ASTN2: variants seen among roughly 807,000 people sequenced by gnomAD.
The protein encoded by ASTN2 is astrotactin-2.
Under a neutral mutation model 139.8 loss-of-function variants are expected in ASTN2, and 54 were observed. The ratio of observed to expected loss-of-function variants is 0.39; its 90% confidence interval spans 0.31 to 0.48. ASTN2 has a LOEUF of 0.48. Ranked by LOEUF, ASTN2 falls within the 20% of genes least tolerant of loss-of-function variation. The pLI is 0.95. For missense variants in ASTN2, 1,565 were observed against 1,725.1 expected (o/e 0.91, Z 1.64); for synonymous variants, 756 against 719.5 (o/e 1.05, Z -0.81).
At chr9:117,040,922 C>A (rs1243260452) in intron 5 of ASTN2, among the ~76,000 whole-genome samples, 1 of 152,124 alleles carries the variant, frequency 6.6e-6, no homozygotes, top group African/African-American at 2.4e-5. Flanking sequence ...CTATGTGAGA[C>A]ACATACAGAG....
chr9:116,967,755 T>C (rs1321132439), intron 10 of ASTN2, among the ~76,000 whole-genome samples: 1 of 152,206 alleles, frequency 6.6e-6, no homozygotes, highest in African/African-American at 2.4e-5. Flanking sequence ...GCCGGGATCC[T>C]TCTCAAGCCA....
At chr9:117,183,996 GC>G (rs1326017601) in intron 3 of ASTN2, among the ~76,000 whole-genome samples, 1 of 152,146 alleles carries the variant, frequency 6.6e-6, no homozygotes, top group African/African-American at 2.4e-5. Flanking sequence ...TCAGAACCAA[GC>G]CAATTTAACA....
chr9:117,245,558 G>T (rs946532069), intron 2 of ASTN2, among the ~76,000 whole-genome samples: 2 of 152,240 alleles, frequency 1.3e-5, no homozygotes, highest in Middle Eastern at 3.4e-3. Flanking sequence ...GAAAGGTGGA[G>T]ACCCACATTG....
chr9:117,399,123 G>A (rs1339931), intron 1 of ASTN2, among the ~76,000 whole-genome samples: 18,551 of 152,158 alleles, frequency 0.12, 1,298 homozygotes, highest in East Asian at 0.21. Context: ...ATAAACACAC[G>A]TGTACTCTCT....
At chr9:116,537,826 C>T (rs1380306753) in intron 19 of ASTN2, among the ~76,000 whole-genome samples, 1 of 152,090 alleles carries the variant, frequency 6.6e-6, no homozygotes, top group African/African-American at 2.4e-5. Flanking sequence ...GTGATTCAAA[C>T]CAGAGAGTAA....
chr9:117,294,378 A>G (rs558807667), intron 1 of ASTN2, among the ~76,000 whole-genome samples: 1 of 152,390 alleles, frequency 6.6e-6, no homozygotes, highest in East Asian at 1.9e-4. Context: ...CTCCGGACTT[A>G]CTTTATTACA....
At chr9:116,981,814 T>C (rs534387167) in intron 7 of ASTN2, among the ~76,000 whole-genome samples, 1 of 152,308 alleles carries the variant, frequency 6.6e-6, no homozygotes, top group East Asian at 1.9e-4. Flanking sequence ...CATGTATATG[T>C]TGTTAGTAAT....
intron 2 of ASTN2, among the ~76,000 whole-genome samples, chr9:117,240,555 G>A (rs1183624455): frequency 6.6e-6 from 1 of 152,204 alleles, no homozygotes; most frequent in Non-Finnish European, 1.5e-5. Flanking sequence ...GTACCACAAA[G>A]CCAGATAGCA....
At chr9:117,411,469 A>G (rs1831159649) in intron 1 of ASTN2, among the ~76,000 whole-genome samples, 1 of 147,150 alleles carries the variant, frequency 6.8e-6, no homozygotes, top group Non-Finnish European at 1.5e-5. Flanking sequence ...AAAAAAAAAA[A>G]AGACTTGCTT....
intron 4 of ASTN2, among the ~76,000 whole-genome samples, chr9:117,101,844 C>T (rs1176726122): frequency 1.3e-5 from 2 of 152,142 alleles, no homozygotes; most frequent in Non-Finnish European, 2.9e-5. Context: ...ACATCATACC[C>T]ACTAGGTGGG....
At chr9:117,176,597 G>A (rs576434243) in intron 3 of ASTN2, among the ~76,000 whole-genome samples, 3 of 152,170 alleles carry the variant, frequency 2.0e-5, no homozygotes, top group African/African-American at 4.8e-5. Flanking sequence ...AGATAGATAT[G>A]AGGATGTAAA....
At chr9:117,402,746 A>G (rs1355940562) in intron 1 of ASTN2, among the ~76,000 whole-genome samples, 1 of 152,168 alleles carries the variant, frequency 6.6e-6, no homozygotes, top group Admixed American at 6.5e-5. Context: ...ATGTATTTTT[A>G]TTTGCTAAAC....
chr9:116,500,480 T>C (rs1267552673), intron 19 of ASTN2, among the ~76,000 whole-genome samples: 2 of 152,224 alleles, frequency 1.3e-5, no homozygotes, highest in Non-Finnish European at 2.9e-5. Flanking sequence ...CCATGACTAA[T>C]ACAGGCTTAC....
chr9:116,895,099 G>T (rs1724205410), intron 10 of ASTN2, among the ~76,000 whole-genome samples: 1 of 152,142 alleles, frequency 6.6e-6, no homozygotes, highest in South Asian at 2.1e-4. Context: ...TCTGAAATTT[G>T]AAATGCTCCA....
Position 116,729,061 on chromosome 9 carries a change from T to C in ASTN2, c.2557A>G (p.Met853Val). The C allele has an allele frequency of 1.9e-6, 3 of 1,598,498 alleles. No homozygotes were observed. Among genetic ancestry groups the C allele is most frequent in the South Asian group, 1.1e-5 (1 of 88,092 alleles). Residue 853 changes from methionine (M) to valine (V), a missense_variant, in exon 15 of 23, where the codon ATG becomes GTG. By Grantham distance (21) the Met-to-Val change is conservative. This residue lies in a region of ASTN2 where 503 missense variants were observed against 591.7 expected (regional missense o/e 0.85). Coordinates refer to ENST00000313400, the MANE Select transcript of ASTN2 (RefSeq NM_001365068.1). ...IRYDEAMGYPMVQQWRVRSNL... is the reference protein window; with the variant it reads ...IRYDEAMGYPVVQQWRVRSNL... ...CTCCGGACCCGCCACTGCTGCACCA[T>C]GGGGTAACCCATGGCCTCATCATAC...
At chr9:117,141,192 A>G (rs1295548152) in intron 4 of ASTN2, 134 bp downstream of exon 4, 2 of 972,470 alleles carry the variant, frequency 2.1e-6, no homozygotes, top group African/African-American at 3.4e-5. Context: ...CTCCAAGGGG[A>G]TTTATCAGGG....
chr9:117,403,387 A>C (rs956571666), intron 1 of ASTN2, among the ~76,000 whole-genome samples: 2 of 152,204 alleles, frequency 1.3e-5, no homozygotes, highest in African/African-American at 2.4e-5. Context: ...AGCTCTGTCC[A>C]TTTGGAGGAC....
At position 117,141,492 on chromosome 9, in the gene ASTN2, A is replaced by G. The variant is rs760363497; in HGVS notation, c.1016-14T>C. The G allele has an allele frequency of 3.7e-6, 5 of 1,365,790 alleles. No homozygotes were observed. The highest frequency in any genetic ancestry group is 3.9e-6 in the Non-Finnish European group (4 of 1,021,676). 84.6% of individuals were successfully genotyped at this position (1,365,790 alleles called of 1,614,324 possible). On this transcript the variant is annotated splice_polypyrimidine_tract_variant and intron_variant, in intron 3 of 22. Coordinates refer to ENST00000313400, the MANE Select transcript of ASTN2 (RefSeq NM_001365068.1). The stretch of plus-strand genomic sequence containing the variant: ...CCTCAGCTGCTGCTATAAGGTAGCA[A>G]TGGGGCTGAGGTTAGGGCTTGAGCC...
intron 13 of ASTN2, among the ~76,000 whole-genome samples, chr9:116,734,706 T>C (rs1288726538): frequency 6.6e-6 from 1 of 152,168 alleles, no homozygotes; most frequent in South Asian, 2.1e-4. Flanking sequence ...GCCAAAGCAA[T>C]GCCTTTGAAG....
Sources: gnomAD v4.1 joint callset for allele counts (sites outside exome capture counted in the v4.1 genomes callset) on GRCh38, gnomAD v4.1.1 for gene constraint, gnomAD v4.1.1 regional missense constraint, MANE v1.5 for transcripts, NCBI Gene and HGNC (gene_info 2026-07-23, HGNC 2026-07-21) for gene names.